COL22A1: variants seen among roughly 807,000 people sequenced by gnomAD.
COL22A1 encodes collagen type XXII alpha 1 chain.
COL22A1 carries 221 observed loss-of-function variants against 248.9 expected under a neutral mutation model. That is an observed-to-expected ratio of 0.89 (90% CI 0.80 to 0.99). COL22A1 has a LOEUF of 0.99. Among genes scored for constraint, COL22A1 ranks in the 50% least tolerant of loss-of-function variants. The pLI, the probability that COL22A1 is intolerant of heterozygous loss-of-function variation, is 0.00. For missense variants in COL22A1, 2,240 were observed against 2,179.0 expected (o/e 1.03, Z -0.56); for synonymous variants, 891 against 793.4 (o/e 1.12, Z -2.07).
chr8:138,863,158 C>T (rs914388823), intron 3 of COL22A1, among the ~76,000 whole-genome samples: 3 of 152,158 alleles, frequency 2.0e-5, no homozygotes, highest in Admixed American at 6.5e-5. Context: ...TGCAGGCTTG[C>T]CGGCTCCCCG....
At chr8:138,646,383 CA>C (rs1264116622) in intron 47 of COL22A1, among the ~76,000 whole-genome samples, 1 of 152,144 alleles carries the variant, frequency 6.6e-6, no homozygotes, top group Non-Finnish European at 1.5e-5. Flanking sequence ...CCACACAGTC[CA>C]ATTCTTCCAT....
chr8:138,880,585 C>T (rs1824125193), intron 2 of COL22A1, among the ~76,000 whole-genome samples: 3 of 152,218 alleles, frequency 2.0e-5, no homozygotes, highest in Admixed American at 2.0e-4. Flanking sequence ...ATGTTCCACA[C>T]CTACCTTTCC....
rs183923197 is a variant in COL22A1 at position 138,764,198 on chromosome 8, C to A, written c.1804-1732G>T. On this transcript the variant is annotated intron_variant, in intron 16 of 64. Coordinates refer to ENST00000303045, the MANE Select transcript of COL22A1 (RefSeq NM_152888.3). The stretch of plus-strand genomic sequence containing the variant: ...CTGTGGGTGCCTGCCCACCAGTGGA[C>A]AATGATTCTATTCACTGCCGCTCCC... Among the ~76,000 whole-genome samples the A allele has an allele frequency of 6.6e-5, 10 of 152,310 alleles. No homozygotes were observed. In the East Asian group the frequency reaches 1.9e-3, roughly 29 times the overall value.
At chr8:138,809,700 A>C (rs988437905) in intron 9 of COL22A1, among the ~76,000 whole-genome samples, 2 of 151,480 alleles carry the variant, frequency 1.3e-5, no homozygotes, top group Non-Finnish European at 2.9e-5. Context: ...TTTGTATTTT[A>C]GTAGAGACAG....
chr8:138,626,303 T>C lies in COL22A1; in HGVS notation c.3664-60A>G, dbSNP rs1370981459. Reference sequence around the variant, plus strand: ...CTCTGCTGGCTTTTCTGGAAGTAAATGACTTCACAAGGAACTGCATTCATG... The same window carrying C: ...CTCTGCTGGCTTTTCTGGAAGTAAACGACTTCACAAGGAACTGCATTCATG... On this transcript the variant is annotated intron_variant, in intron 50 of 64. Coordinates refer to ENST00000303045, the MANE Select transcript of COL22A1 (RefSeq NM_152888.3). 4.4e-6 allele frequency: 6 copies of C among 1,369,028 alleles called. No individual in the cohort carries two copies. In the East Asian group the frequency reaches 1.4e-4, roughly 31 times the overall value. The allele number at this position is 1,369,028 out of a possible 1,614,324, so 84.8% of individuals were successfully genotyped here.
chr8:138,617,088 G>T (rs1819396750), intron 53 of COL22A1, 130 bp from the exon 54 acceptor site: 1 of 923,314 alleles, frequency 1.1e-6, no homozygotes, highest in Non-Finnish European at 1.7e-6. Flanking sequence ...AGGATACTGA[G>T]CCCTACTTGG....
chr8:138,791,363 C>T (rs1816021457), intron 12 of COL22A1, among the ~76,000 whole-genome samples: 1 of 152,128 alleles, frequency 6.6e-6, no homozygotes, highest in African/African-American at 2.4e-5. Context: ...CCTGTGGGTC[C>T]CATCATGTCC....
chr8:138,896,038 C>A (rs917363786), intron 1 of COL22A1, among the ~76,000 whole-genome samples: 1 of 152,142 alleles, frequency 6.6e-6, no homozygotes. Context: ...AACCCACAAT[C>A]TTATATCCAG....
intron 15 of COL22A1, chr8:138,778,084 A>G (rs1814636469): frequency 1.9e-6 from 1 of 530,632 alleles, no homozygotes; most frequent in Non-Finnish European, 3.4e-6. Context: ...GGTGCTGGTT[A>G]AAAATGCAGA....
chr8:138,663,036 A>ACACACACACACACACACACAC (rs1554737820), intron 42 of COL22A1, among the ~76,000 whole-genome samples: 30 of 151,958 alleles, frequency 2.0e-4, no homozygotes, highest in Middle Eastern at 3.4e-3. Context: ...ACACACACAC[A>ACACACACACACACACACACAC]AAGCAATCCC....
At chr8:138,619,370 T>C in intron 53 of COL22A1, 85 bp downstream of exon 53, 3 of 1,276,290 alleles carry the variant, frequency 2.4e-6, no homozygotes, top group Non-Finnish European at 3.4e-6. Flanking sequence ...GGTTGGGCAG[T>C]CTGGGCTAGC....
At chr8:138,626,932 C>T (rs1004532983) in intron 50 of COL22A1, among the ~76,000 whole-genome samples, 1 of 152,108 alleles carries the variant, frequency 6.6e-6, no homozygotes, top group Non-Finnish European at 1.5e-5. Context: ...TGAGTATTAT[C>T]ATATCACCCT....
At chr8:138,720,337 A>C (rs1368596613) in intron 27 of COL22A1, among the ~76,000 whole-genome samples, 16 of 152,128 alleles carry the variant, frequency 1.1e-4, no homozygotes. Context: ...AGAGCGAGCG[A>C]GCACTTGTAT....
At chr8:138,599,407 A>T (rs1426254035) in intron 60 of COL22A1, among the ~76,000 whole-genome samples, 1 of 152,162 alleles carries the variant, frequency 6.6e-6, no homozygotes, top group African/African-American at 2.4e-5. Context: ...TGAACCCGGG[A>T]GGCGGAGGTT....
chr8:138,805,945 G>A (rs1479970289), intron 10 of COL22A1, among the ~76,000 whole-genome samples: 3 of 142,746 alleles, frequency 2.1e-5, no homozygotes, highest in East Asian at 4.5e-4. Flanking sequence ...TGTGTGTGAT[G>A]GTATATTATG....
intron 41 of COL22A1, among the ~76,000 whole-genome samples, chr8:138,675,868 C>T (rs1419700711): frequency 6.6e-6 from 1 of 152,126 alleles, no homozygotes; most frequent in East Asian, 1.9e-4. Flanking sequence ...ACTGAATTTC[C>T]ATTATCTATG....
At chr8:138,895,446 C>G (rs962033080) in intron 1 of COL22A1, among the ~76,000 whole-genome samples, 2 of 151,062 alleles carry the variant, frequency 1.3e-5, no homozygotes, top group African/African-American at 4.9e-5. Context: ...AAACTCTCAG[C>G]AAAAAATAGG....
intron 16 of COL22A1, among the ~76,000 whole-genome samples, chr8:138,773,607 C>T (rs953387336): frequency 1.6e-4 from 25 of 152,248 alleles, no homozygotes; most frequent in Admixed American, 8.5e-4. Context: ...CACCTGCAGC[C>T]GTGTGTTGAG....
chr8:138,640,269 T>C (rs568660012), intron 47 of COL22A1, among the ~76,000 whole-genome samples: 2 of 152,340 alleles, frequency 1.3e-5, no homozygotes, highest in Admixed American at 6.5e-5. Context: ...AAGCACATGA[T>C]AAAACAATCA....
Sources: allele counts gnomAD v4.1 joint callset (sites outside exome capture counted in the v4.1 genomes callset), GRCh38; gene constraint gnomAD v4.1.1; transcripts MANE v1.5; gene names NCBI Gene and HGNC (gene_info 2026-07-23, HGNC 2026-07-21).